Variants in LMNA observed in about 807,000 individuals in gnomAD.
LMNA encodes lamin A/C.
LMNA carries 20 observed loss-of-function variants against 70.4 expected under a neutral mutation model. The observed-to-expected ratio is 0.28, with a 90% CI of 0.20 to 0.41. LMNA has a LOEUF of 0.41. LMNA is among the 10% of genes least tolerant of loss of function. The probability of loss-of-function intolerance (pLI) is 1.00; values close to 1 mark genes in which losing one functional copy is unlikely to be tolerated. For synonymous variants in LMNA, 339 were observed against 372.8 expected (o/e 0.91, Z 1.04); for missense variants, 652 against 917.2 (o/e 0.71, Z 3.73).
At chr1:156,099,747 G>A (rs535723247) in intron 3 of LMNA, among the ~76,000 whole-genome samples, 5 of 151,686 alleles carry the variant, frequency 3.3e-5, no homozygotes, top group African/African-American at 1.2e-4. Context: ...TTAGCTGGGC[G>A]TGCTGGTGTG....
intron 3 of LMNA, among the ~76,000 whole-genome samples, chr1:156,107,194 C>T (rs1233118228): frequency 6.6e-6 from 1 of 152,070 alleles, no homozygotes; most frequent in African/African-American, 2.4e-5. Flanking sequence ...AGCTTGTCAC[C>T]GGGGGGACTG....
In LMNA at chr1:156,127,064, G is replaced by A. The variant is rs562544359; in HGVS notation, c.357-3553G>A. The A allele has an allele frequency of 1.2e-4, 95 of 762,210 alleles. No individual in the cohort carries two copies. The African/African-American group carries it at 1.6e-3, about 13-fold the overall frequency. 47.2% of individuals were successfully genotyped at this position (762,210 alleles called of 1,614,324 possible). On this transcript the variant is annotated intron_variant, in intron 1 of 11. Transcript: ENST00000368300. ...CAACCCAGCACGGGGACGGCACTCA[G>A]CGTGTGCTCAGCTTTCCTGATGCCA...
chr1:156,135,254 A>G lies in LMNA; in HGVS notation c.878A>G (p.Gln293Arg), dbSNP rs1651454980. The part of the protein sequence containing the change: ...NLVGAAHEEL[Q>R]QSRIRIDSLS... ...GTGGGGGCTGCCCACGAGGAGCTGC[A>G]GCAGTCGCGCATCCGCATCGACAGC... The change falls in exon 5 of 12, where the codon CAG becomes CGG. Residue 293 changes from glutamine (Q) to arginine (R), a missense_variant. This residue lies in a region of LMNA where 254 missense variants were observed against 421.9 expected (regional missense o/e 0.60). Transcript: ENST00000368300. This position sits in a 1 kb window ranked among gnomAD's most constrained non-coding sequence, Gnocchi z 4.8. 1.2e-6 allele frequency: 2 copies of G among 1,613,690 alleles called. No individual in the cohort carries two copies. The highest frequency in any genetic ancestry group is 1.7e-6 in the Non-Finnish European group (2 of 1,180,036).
chr1:156,135,273 C>A lies in LMNA; in HGVS notation c.897C>A (p.Ile299=). Residue 299 remains isoleucine, a synonymous_variant, in exon 5 of 12, where the codon ATC becomes ATA. Coordinates refer to ENST00000368300, the MANE Select transcript of LMNA (RefSeq NM_170707.4). The surrounding 1 kb of genome is among the most constrained non-coding windows in gnomAD (Gnocchi z 4.8). ...HEELQQSRIR[I]DSLSAQLSQL... is the part of the protein sequence containing the mutation. ...AGCTGCAGCAGTCGCGCATCCGCAT[C>A]GACAGCCTCTCTGCCCAGCTCAGCC... The A allele has an allele frequency of 1.2e-6, 2 of 1,613,600 alleles. No individual in the cohort carries two copies. The highest frequency in any genetic ancestry group is 2.2e-5 in the South Asian group (2 of 91,078).
chr1:156,138,517 C>T lies in LMNA; in HGVS notation c.1728C>T (p.Pro576=), dbSNP rs767783294. ...CCCACTGCAGCAGCTCGGGGGACCC[C>T]GCTGAGTACAACCTGCGCTCGCGCA... ...HGSHCSSSGD[P]AEYNLRSRTV... is the part of the protein sequence containing the mutation. The change falls in exon 11 of 12, where the codon CCC becomes CCT. Residue 576 remains proline (P), a synonymous_variant. Transcript: ENST00000368300. This position sits in a 1 kb window ranked among gnomAD's most constrained non-coding sequence, Gnocchi z 5.5. 57 of 1,612,456 alleles carry T rather than the reference C, an allele frequency of 3.5e-5. No individual in the cohort carries two copies. Among genetic ancestry groups the T allele is most frequent in the Middle Eastern group, 1.6e-4 (1 of 6,068 alleles).
chr1:156,099,116 C>T (rs1649047242), intron 3 of LMNA, among the ~76,000 whole-genome samples: 3 of 152,098 alleles, frequency 2.0e-5, no homozygotes, highest in African/African-American at 7.2e-5. Flanking sequence ...CAAAGGCTGC[C>T]CCACTGTCAG....
Position 156,135,509 on chromosome 1 carries a change from C to G in LMNA, c.936+197C>G, listed in dbSNP as rs1651492567. ...TGTGTGCTGTTTCTGTACACTCTTA[C>G]CTCACCTTCACTTCTCAGGGCTTTG... On this transcript the variant is annotated intron_variant, in intron 5 of 11. Transcript: ENST00000368300. The surrounding 1 kb of genome is among the most constrained non-coding windows in gnomAD (Gnocchi z 4.8). The G allele has an allele frequency of 1.4e-6, 1 of 696,678 alleles. No individual in the cohort carries two copies. Among genetic ancestry groups the G allele is most frequent in the Non-Finnish European group, 2.4e-6 (1 of 409,014 alleles). The allele number at this position is 696,678 out of a possible 1,614,324, so 43.2% of individuals were successfully genotyped here.
rs540420153 is a variant in LMNA at position 156,134,594 on chromosome 1, G to C, written c.639+66G>C. The C allele has an allele frequency of 1.1e-5, 18 of 1,606,792 alleles. No individual in the cohort carries two copies. Among genetic ancestry groups the C allele is most frequent in the Non-Finnish European group, 1.3e-5 (15 of 1,175,820 alleles). ...TGATGACAGACTTGGGCTGGGCTAG[G>C]GGGGACCAGCTGTGTGCAGAGCTCG... On this transcript the variant is annotated intron_variant, in intron 3 of 11. Transcript: ENST00000368300. This position sits in a 1 kb window ranked among gnomAD's most constrained non-coding sequence, Gnocchi z 5.3.
In LMNA at chr1:156,139,881, A is replaced by C; in HGVS notation, c.*775A>C. The C allele has an allele frequency of 6.9e-7, 1 of 1,455,576 alleles. No homozygotes were observed. The highest frequency in any genetic ancestry group is 9.0e-7 in the Non-Finnish European group (1 of 1,105,714). 90.2% of individuals were successfully genotyped at this position (1,455,576 alleles called of 1,614,324 possible). ...GGCTCTGTGCAGTCACTGGAGGTTG[A>C]AGCCAAGTGGGGTGCTGGGAGGAGG... On this transcript the variant is annotated 3_prime_UTR_variant, in exon 12 of 12. Coordinates refer to ENST00000368300, the MANE Select transcript of LMNA (RefSeq NM_170707.4).
At chr1:156,129,260 C>A (rs1261420116) in intron 1 of LMNA, among the ~76,000 whole-genome samples, 2 of 152,164 alleles carry the variant, frequency 1.3e-5, no homozygotes, top group Admixed American at 1.3e-4. Flanking sequence ...TCCCCTGCCC[C>A]TCTGAGTGTC....
rs868362136 is a variant in LMNA at position 156,136,825 on chromosome 1, A to G, written c.1381-96A>G. On this transcript the variant is annotated intron_variant, in intron 7 of 11. Transcript: ENST00000368300. This position sits in a 1 kb window ranked among gnomAD's most constrained non-coding sequence, Gnocchi z 6.1. ...GTGTGTAGATGGAAGGAGAGGCCTC[A>G]ATTGCAGGCAGGCAGAGGGCTGGGC... 1.0e-6 allele frequency: 1 copy of G among 994,344 alleles called. No homozygotes were observed. The highest frequency in any genetic ancestry group is 1.6e-6 in the Non-Finnish European group (1 of 643,114). The allele number at this position is 994,344 out of a possible 1,614,324, so 61.6% of individuals were successfully genotyped here. A position where few individuals can be genotyped will look rare whatever the true frequency, so the allele number is the denominator to read the frequency against.
At position 156,134,594 on chromosome 1, in the gene LMNA, G is replaced by A. The variant is rs540420153; in HGVS notation, c.639+66G>A. 3.1e-6 allele frequency: 5 copies of A among 1,606,910 alleles called. No homozygotes were observed. The highest frequency in any genetic ancestry group is 4.3e-6 in the Non-Finnish European group (5 of 1,175,812). On this transcript the variant is annotated intron_variant, in intron 3 of 11. Coordinates refer to ENST00000368300, the MANE Select transcript of LMNA (RefSeq NM_170707.4). The surrounding 1 kb of genome is among the most constrained non-coding windows in gnomAD (Gnocchi z 5.3). ...TGATGACAGACTTGGGCTGGGCTAGGGGGGACCAGCTGTGTGCAGAGCTCG... is the reference window on the plus strand; with the variant it reads ...TGATGACAGACTTGGGCTGGGCTAGAGGGGACCAGCTGTGTGCAGAGCTCG...
intron 3 of LMNA, among the ~76,000 whole-genome samples, chr1:156,098,470 G>A (rs1432455500): frequency 6.6e-6 from 1 of 152,198 alleles, no homozygotes; most frequent in African/African-American, 2.4e-5. Flanking sequence ...AATGCCATGT[G>A]AAAAGAAGGT....
At position 156,130,699 on chromosome 1, in the gene LMNA, G is replaced by A. The variant is rs139875047; in HGVS notation, c.439G>A (p.Ala147Thr). Residue 147 changes from alanine to threonine, a missense_variant, in exon 2 of 12, where the codon GCA (alanine) becomes ACA (threonine). By Grantham distance (58) the Ala-to-Thr change is moderately conservative. Coordinates refer to ENST00000368300, the MANE Select transcript of LMNA (RefSeq NM_170707.4). Reference sequence around the variant, plus strand: ...GGCTCTGCTGAACTCCAAGGAGGCCGCACTGAGCACTGCTCTCAGTGAGAA... The same window carrying A: ...GGCTCTGCTGAACTCCAAGGAGGCCACACTGAGCACTGCTCTCAGTGAGAA... ...LEALLNSKEA[A>T]LSTALSEKRT... 9.3e-6 allele frequency: 15 copies of A among 1,613,180 alleles called. No individual in the cohort carries two copies. Among genetic ancestry groups the A allele is most frequent in the East Asian group, 2.2e-5 (1 of 44,880 alleles).
At position 156,135,593 on chromosome 1, in the gene LMNA, G is replaced by T; in HGVS notation, c.936+281G>T. 1.7e-6 allele frequency: 1 copy of T among 592,378 alleles called. No individual in the cohort carries two copies. Among genetic ancestry groups the T allele is most frequent in the Admixed American group, 2.9e-5 (1 of 33,920 alleles). The allele number at this position is 592,378 out of a possible 1,614,324, so 36.7% of individuals were successfully genotyped here. A position where few individuals can be genotyped will look rare whatever the true frequency, so the allele number is the denominator to read the frequency against. On this transcript the variant is annotated intron_variant, in intron 5 of 11. Coordinates refer to ENST00000368300, the MANE Select transcript of LMNA (RefSeq NM_170707.4). This position sits in a 1 kb window ranked among gnomAD's most constrained non-coding sequence, Gnocchi z 4.8. The stretch of plus-strand genomic sequence containing the variant: ...TCTCCCTAACTCAGAGTTGCCACAG[G>T]ACTCTGCAATGTGAGGTGTTAAAAG...
Position 156,137,998 on chromosome 1 carries a change from TGGACAAG to T in LMNA, c.1698+258_1698+264del. On this transcript the variant is annotated intron_variant, in intron 10 of 11. Transcript: ENST00000368300. This position sits in a 1 kb window ranked among gnomAD's most constrained non-coding sequence, Gnocchi z 4.6. ...CCATGGAATATTCCTGTGGGAGCAGTGGACAAGGGTCTGGATTTGTCTTCTGGGAAAG... is the reference window on the plus strand; with the variant it reads ...CCATGGAATATTCCTGTGGGAGCAGTGGTCTGGATTTGTCTTCTGGGAAAG... 1.4e-6 allele frequency: 1 copy of T among 717,940 alleles called. No individual in the cohort carries two copies. The highest frequency in any genetic ancestry group is 2.2e-6 in the Non-Finnish European group (1 of 449,700). The allele number at this position is 717,940 out of a possible 1,614,324, so 44.5% of individuals were successfully genotyped here. A position where few individuals can be genotyped will look rare whatever the true frequency, so the allele number is the denominator to read the frequency against.
Position 156,139,896 on chromosome 1 carries a change from C to G in LMNA, c.*790C>G, listed in dbSNP as rs1572371651. On this transcript the variant is annotated 3_prime_UTR_variant, in exon 12 of 12. Coordinates refer to ENST00000368300, the MANE Select transcript of LMNA (RefSeq NM_170707.4). Reference sequence around the variant, plus strand: ...CTGGAGGTTGAAGCCAAGTGGGGTGCTGGGAGGAGGGAGAGGGAGGTCACT... The same window carrying G: ...CTGGAGGTTGAAGCCAAGTGGGGTGGTGGGAGGAGGGAGAGGGAGGTCACT... 1 of 1,407,048 alleles carries G rather than the reference C, an allele frequency of 7.1e-7. No individual in the cohort carries two copies. The highest frequency in any genetic ancestry group is 2.5e-5 in the Admixed American group (1 of 39,848). 87.2% of individuals were successfully genotyped at this position (1,407,048 alleles called of 1,614,324 possible).
chr1:156,105,359 T>G (rs1649291888), intron 3 of LMNA, among the ~76,000 whole-genome samples: 1 of 151,836 alleles, frequency 6.6e-6, no homozygotes, highest in Admixed American at 6.6e-5. Context: ...CTGGCCCAAG[T>G]GCAGTCCCTT....
chr1:156,122,876 C>A (rs1038998403), intron 1 of LMNA, among the ~76,000 whole-genome samples: 33 of 152,326 alleles, frequency 2.2e-4, no homozygotes, highest in African/African-American at 7.7e-4. Flanking sequence ...GTCTTGGCCC[C>A]TACCAATCCC....
Sources: gnomAD v4.1 joint callset for allele counts (sites outside exome capture counted in the v4.1 genomes callset) on GRCh38, gnomAD v4.1.1 for gene constraint, gnomAD v4.1.1 regional missense constraint, Gnocchi (gnomAD v3.1) non-coding constraint, MANE v1.5 for transcripts, NCBI Gene and HGNC (gene_info 2026-07-23, HGNC 2026-07-21) for gene names.